CTNND2: variants seen among roughly 807,000 people sequenced by gnomAD.
CTNND2 encodes the protein catenin delta-2.
CTNND2 carries 22 observed loss-of-function variants against 144.4 expected under a neutral mutation model. That is an observed-to-expected ratio of 0.15 (90% confidence interval 0.11 to 0.22). The LOEUF is 0.22. Among genes scored for constraint, CTNND2 ranks in the 10% least tolerant of loss-of-function variants. The pLI is 1.00. For missense variants in CTNND2, 1,353 were observed against 1,618.8 expected, an observed-to-expected ratio of 0.84 and a Z score of 2.82; for synonymous variants, 751 against 695.6, an observed-to-expected ratio of 1.08 and a Z score of -1.25.
intron 1 of CTNND2, among the ~76,000 whole-genome samples, chr5:11,877,069 A>G (rs1735623175): frequency 6.6e-6 from 1 of 152,142 alleles, no homozygotes. Flanking sequence ...GTTAGCAGAT[A>G]TTCTTTTATT....
intron 11 of CTNND2, 94 bp from the exon 12 acceptor site, chr5:11,159,853 G>A: frequency 3.9e-6 from 4 of 1,022,126 alleles, no homozygotes; most frequent in Middle Eastern, 2.2e-4. Context: ...GAACTGGCAG[G>A]AAGGATGAAA....
rs58670765 is a variant in CTNND2 at position 11,807,678 on chromosome 5, A to C, written c.38-75406T>G. Reference sequence around the variant, plus strand: ...TTACAGACTTAGGTTTTCAAAGCCCACTCTAAAACACTGTGTACTTCCTCT... The same window carrying C: ...TTACAGACTTAGGTTTTCAAAGCCCCCTCTAAAACACTGTGTACTTCCTCT... On this transcript the variant is annotated intron_variant, in intron 1 of 21. Coordinates refer to ENST00000304623, the MANE Select transcript of CTNND2 (RefSeq NM_001332.4). Among the ~76,000 whole-genome samples, 2,163 of 152,098 alleles carry C rather than the reference A, an allele frequency of 0.014. 124 individuals are homozygous for C. In the East Asian group the frequency reaches 0.19, roughly 13 times the overall value.
intron 1 of CTNND2, among the ~76,000 whole-genome samples, chr5:11,779,202 C>A (rs1790412894): frequency 6.6e-6 from 1 of 152,116 alleles, no homozygotes; most frequent in Non-Finnish European, 1.5e-5. Flanking sequence ...GAGTGTAAAA[C>A]AATTTTGAAT....
rs556671762 is a variant in CTNND2 at position 11,507,706 on chromosome 5, C to A, written c.287+57238G>T. On this transcript the variant is annotated intron_variant, in intron 3 of 21. Transcript: ENST00000304623. ...CTGTGCTGTGGGAAACCAGACAGCA[C>A]AGGGTCCTGTCCCACAGCCTGGAGT... Among the ~76,000 whole-genome samples the A allele has an allele frequency of 4.6e-5, 7 of 152,274 alleles. No homozygotes were observed. The South Asian group carries it at 1.5e-3, about 32-fold the overall frequency.
chr5:11,410,686 A>G (rs1011274540), intron 5 of CTNND2, among the ~76,000 whole-genome samples: 1 of 152,162 alleles, frequency 6.6e-6, no homozygotes, highest in Non-Finnish European at 1.5e-5. Flanking sequence ...TAAATGTTCT[A>G]TGGAATTAAT....
In CTNND2 at chr5:11,841,821, G is replaced by A. The variant is rs116675868; in HGVS notation, c.37+61996C>T. ...CCTGAGCCCTTCCATTCACAAGAAA[G>A]CCTCCCAAAGAAGAGTTTTCTCTAA... On this transcript the variant is annotated intron_variant, in intron 1 of 21. Coordinates refer to ENST00000304623, the MANE Select transcript of CTNND2 (RefSeq NM_001332.4). Among the ~76,000 whole-genome samples, 647 of 151,318 alleles carry A rather than the reference G, an allele frequency of 4.3e-3. 9 individuals carry two copies. Among genetic ancestry groups the A allele is most frequent in the African/African-American group, 0.014 (580 of 41,118 alleles).
intron 2 of CTNND2, among the ~76,000 whole-genome samples, chr5:11,710,043 C>T (rs547426549): frequency 1.3e-5 from 2 of 151,862 alleles, no homozygotes; most frequent in African/African-American, 4.8e-5. Context: ...TAACTTAAAC[C>T]CACAGAGACA....
intron 1 of CTNND2, among the ~76,000 whole-genome samples, chr5:11,901,574 A>G (rs1737887788): frequency 6.6e-6 from 1 of 152,218 alleles, no homozygotes; most frequent in Non-Finnish European, 1.5e-5. Context: ...AACAATGAAA[A>G]CATTAGTGAC....
At chr5:11,527,252 G>GA (rs1773339239) in intron 3 of CTNND2, among the ~76,000 whole-genome samples, 1 of 152,122 alleles carries the variant, frequency 6.6e-6, no homozygotes, top group South Asian at 2.1e-4. Context: ...TAAAAAAAAA[G>GA]AAAAAACTAA....
intron 10 of CTNND2, among the ~76,000 whole-genome samples, chr5:11,206,974 C>G (rs1738112229): frequency 6.6e-6 from 1 of 152,166 alleles, no homozygotes; most frequent in Non-Finnish European, 1.5e-5. Context: ...GATATATGCT[C>G]TACTTCACAG....
intron 9 of CTNND2, among the ~76,000 whole-genome samples, chr5:11,255,296 G>A (rs560542524): frequency 1.4e-4 from 21 of 150,850 alleles, no homozygotes; most frequent in African/African-American, 2.4e-4. Context: ...TTGTCACATC[G>A]GCCCATTTCT....
At chr5:11,723,305 T>G (rs1458037519) in intron 2 of CTNND2, among the ~76,000 whole-genome samples, 2 of 152,094 alleles carry the variant, frequency 1.3e-5, no homozygotes, top group African/African-American at 2.4e-5. Flanking sequence ...GTTGAGTAAA[T>G]AAGCCTCATA....
chr5:11,166,683 G>A (rs1759370915), intron 11 of CTNND2, among the ~76,000 whole-genome samples: 3 of 152,144 alleles, frequency 2.0e-5, no homozygotes, highest in South Asian at 4.2e-4. Context: ...CTAGTGTGTG[G>A]AGGTTGAATG....
chr5:11,312,489 G>C (rs150877660), intron 9 of CTNND2, among the ~76,000 whole-genome samples: 3 of 152,194 alleles, frequency 2.0e-5, no homozygotes, highest in Non-Finnish European at 4.4e-5. Context: ...AAGCCCATTA[G>C]ATCTCATGAG....
At chr5:11,842,587 C>T (rs140914918) in intron 1 of CTNND2, among the ~76,000 whole-genome samples, 8,558 of 151,744 alleles carry the variant, frequency 0.056, 751 homozygotes, top group African/African-American at 0.19. Flanking sequence ...GGCACGGTGG[C>T]GGGCGCCTGT....
Position 11,337,435 on chromosome 5 carries a change from C to A in CTNND2, c.1628+8937G>T, listed in dbSNP as rs113279677. Among the ~76,000 whole-genome samples, 231 of 152,238 alleles carry A rather than the reference C, an allele frequency of 1.5e-3. 1 individual carries two copies. Among genetic ancestry groups the A allele is most frequent in the Middle Eastern group, 3.4e-3 (1 of 294 alleles). On this transcript the variant is annotated intron_variant, in intron 9 of 21. Coordinates refer to ENST00000304623, the MANE Select transcript of CTNND2 (RefSeq NM_001332.4). Reference sequence around the variant, plus strand: ...TTTACTTCCCCCACCTACCAAGGACCTTTCTTCTCATTTGCAGTCTTTGAT... The same window carrying A: ...TTTACTTCCCCCACCTACCAAGGACATTTCTTCTCATTTGCAGTCTTTGAT...
chr5:11,116,999 C>T (rs955911495), intron 13 of CTNND2, among the ~76,000 whole-genome samples: 1 of 151,962 alleles, frequency 6.6e-6, no homozygotes, highest in Admixed American at 6.5e-5. Context: ...GTGGAGGTTG[C>T]AGTGAGCCTT....
At chr5:11,124,705 C>T (rs1163839867) in intron 12 of CTNND2, among the ~76,000 whole-genome samples, 4 of 152,106 alleles carry the variant, frequency 2.6e-5, no homozygotes, top group African/African-American at 9.7e-5. Context: ...ACGATCAACC[C>T]CTGACCGAGA....
At chr5:11,177,792 T>C (rs1760627226) in intron 11 of CTNND2, among the ~76,000 whole-genome samples, 1 of 152,212 alleles carries the variant, frequency 6.6e-6, no homozygotes, top group Admixed American at 6.5e-5. Context: ...TTGTTCTTTA[T>C]GGCAATAATT....
Sources: gnomAD v4.1 joint callset for allele counts (sites outside exome capture counted in the v4.1 genomes callset) on GRCh38, gnomAD v4.1.1 for gene constraint, MANE v1.5 for transcripts, NCBI Gene and HGNC (gene_info 2026-07-23, HGNC 2026-07-21) for gene names.